APLP2: variants seen among roughly 807,000 people sequenced by gnomAD.
APLP2 encodes CDEI box-binding protein.
A neutral mutation model predicts 89.9 loss-of-function variants in APLP2; 53 were observed. That is an observed-to-expected ratio of 0.59 (90% CI 0.47 to 0.74). The LOEUF is 0.74. APLP2 is among the 30% of genes least tolerant of loss of function. APLP2 has a pLI of 0.00. For synonymous variants in APLP2, 372 were observed against 348.6 expected, an observed-to-expected ratio of 1.07 and a Z score of -0.75; for missense variants, 973 against 975.9, an observed-to-expected ratio of 1.00 and a Z score of 0.04.
Position 130,123,482 on chromosome 11 carries a change from A to C in APLP2, c.923-130A>C, listed in dbSNP as rs1591827395. ...CTGGCCTGAGCTGGAGCTTTCGGCC[A>C]CCGGGCCTCCAGGCTCCGTCCAGTC... On this transcript the variant is annotated intron_variant, in intron 6 of 16. Transcript: ENST00000338167. The surrounding 1 kb of genome is among the most constrained non-coding windows in gnomAD (Gnocchi z 4.0). 4 of 970,196 alleles carry C rather than the reference A, an allele frequency of 4.1e-6. No individual in the cohort carries two copies. Among genetic ancestry groups the C allele is most frequent in the Non-Finnish European group, 6.0e-6 (4 of 669,666 alleles). The allele number at this position is 970,196 out of a possible 1,614,324, so 60.1% of individuals were successfully genotyped here. A position where few individuals can be genotyped will look rare whatever the true frequency, so the allele number is the denominator to read the frequency against.
At chr11:130,118,826 C>T (rs1181040197) in intron 3 of APLP2, among the ~76,000 whole-genome samples, 3 of 152,210 alleles carry the variant, frequency 2.0e-5, no homozygotes, top group East Asian at 1.9e-4. Context: ...GGCTCACTTT[C>T]GCAATCCTGC....
At chr11:130,090,417 G>T (rs1404095779) in intron 1 of APLP2, among the ~76,000 whole-genome samples, 1 of 150,034 alleles carries the variant, frequency 6.7e-6, no homozygotes, top group Middle Eastern at 3.2e-3. Context: ...GCGGCCTTCC[G>T]CAGTGTTTGT....
chr11:130,079,045 T>TA (rs1942645566), intron 1 of APLP2, among the ~76,000 whole-genome samples: 1 of 152,094 alleles, frequency 6.6e-6, no homozygotes, highest in South Asian at 2.1e-4. Context: ...ATTTTTCAAA[T>TA]ACCTAGTTTT....
rs985312073 is a variant in APLP2, at chr11:130,097,701, C to T, written c.106-11728C>T. On this transcript the variant is annotated intron_variant, in intron 1 of 16. Coordinates refer to ENST00000338167, the MANE Select transcript of APLP2 (RefSeq NM_001142276.2). ...TCAGAAACAACAACAACAAAATACCCACAAGAAAAACCTAAACCTGTGATT... is the reference window on the plus strand; with the variant it reads ...TCAGAAACAACAACAACAAAATACCTACAAGAAAAACCTAAACCTGTGATT... 3.3e-5 allele frequency among the ~76,000 whole-genome samples: 5 copies of T among 152,050 alleles called. No individual in the cohort carries two copies. In the South Asian group the frequency reaches 6.2e-4, roughly 19 times the overall value.
rs1940521798 is a variant in APLP2 at position 130,069,927 on chromosome 11, A to AC, written c.-51_-50insC. ...CTGGGTCGCGGTGTGCTAAGCGAGGAGTCCGAGTGTGTGAGCTTGAGAGCC... is the reference window on the plus strand; with the variant it reads ...CTGGGTCGCGGTGTGCTAAGCGAGGACGTCCGAGTGTGTGAGCTTGAGAGCC... On this transcript the variant is annotated 5_prime_UTR_variant, in exon 1 of 17. An upstream open reading frame in the 5' UTR loses its in-frame stop. Coordinates refer to ENST00000338167, the MANE Select transcript of APLP2 (RefSeq NM_001142276.2). 1 of 1,341,262 alleles carries AC rather than the reference A, an allele frequency of 7.5e-7. No homozygotes were observed. The highest frequency in any genetic ancestry group is 1.5e-5 in the African/African-American group (1 of 65,842). 83.1% of individuals were successfully genotyped at this position (1,341,262 alleles called of 1,614,324 possible).
rs758568357 is a variant in APLP2, at chr11:130,123,795, C to T, written c.1090+16C>T. On this transcript the variant is annotated intron_variant, in intron 7 of 16. Transcript: ENST00000338167. This position sits in a 1 kb window ranked among gnomAD's most constrained non-coding sequence, Gnocchi z 4.0. ...AAAGCGATGAGTAAGTCCTGCCTCG[C>T]GCTGGTCCCGTGCGGCAGCACCGTC... 22 of 1,612,054 alleles carry T rather than the reference C, an allele frequency of 1.4e-5. No individual in the cohort carries two copies. The highest frequency in any genetic ancestry group is 9.9e-5 in the South Asian group (9 of 90,842).
At chr11:130,128,932 A>T in intron 9 of APLP2, 116 bp from the exon 10 acceptor site, 1 of 1,173,122 alleles carries the variant, frequency 8.5e-7, no homozygotes, top group Non-Finnish European at 1.2e-6. Context: ...CCACTCTCCG[A>T]ACCTGTTACT....
chr11:130,089,048 C>G (rs1197678628), intron 1 of APLP2, among the ~76,000 whole-genome samples: 1 of 152,168 alleles, frequency 6.6e-6, no homozygotes, highest in Middle Eastern at 3.2e-3. Context: ...AGTCTCCAAT[C>G]CTCAGCCCCC....
intron 1 of APLP2, among the ~76,000 whole-genome samples, chr11:130,091,811 CG>C (rs1489556246): frequency 3.4e-5 from 5 of 146,336 alleles, no homozygotes; most frequent in Non-Finnish European, 6.0e-5. Flanking sequence ...GCTGGTCGGG[CG>C]GGGGGCTGAC....
intron 3 of APLP2, 140 bp downstream of exon 3, chr11:130,110,801 G>A (rs772838558): frequency 7.5e-5 from 88 of 1,169,840 alleles, no homozygotes; most frequent in Non-Finnish European, 9.6e-5. Context: ...ATTTCTCTTA[G>A]GGGTGTTTGC....
At chr11:130,104,086 G>A (rs999819591) in intron 1 of APLP2, among the ~76,000 whole-genome samples, 9 of 151,706 alleles carry the variant, frequency 5.9e-5, no homozygotes, top group Non-Finnish European at 8.8e-5. Context: ...TTCAGTACAC[G>A]AAAATATCCC....
At chr11:130,111,229 C>T (rs953668307) in intron 3 of APLP2, among the ~76,000 whole-genome samples, 1 of 152,104 alleles carries the variant, frequency 6.6e-6, no homozygotes, top group African/African-American at 2.4e-5. Flanking sequence ...TTGAGTAAAA[C>T]GGTAACTGTT....
intron 1 of APLP2, among the ~76,000 whole-genome samples, chr11:130,089,679 C>A (rs897029349): frequency 3.9e-5 from 6 of 152,212 alleles, no homozygotes; most frequent in Non-Finnish European, 5.9e-5. Context: ...TTTCACTTTT[C>A]TGGTTTTCTG....
chr11:130,138,054 T>C (rs1314159618), intron 13 of APLP2, among the ~76,000 whole-genome samples: 1 of 152,220 alleles, frequency 6.6e-6, no homozygotes, highest in Non-Finnish European at 1.5e-5. Context: ...AACCCAGTTC[T>C]CTGTTCCCCA....
Position 130,122,393 on chromosome 11 carries a change from G to C in APLP2, c.802G>C (p.Val268Leu). Residue 268 changes from valine (V) to leucine (L), a missense_variant, in exon 6 of 17, where the codon GTG becomes CTG. Coordinates refer to ENST00000338167, the MANE Select transcript of APLP2 (RefSeq NM_001142276.2). ...DEDEEEGEEV[V>L]EDRDYYYDTF... ...GGATGAGGAAGAAGGGGAGGAAGTG[G>C]TGGAGGACCGAGATTACTACTATGA... is the stretch of plus-strand genomic sequence containing the variant. The C allele has an allele frequency of 6.2e-7, 1 of 1,614,182 alleles. No homozygotes were observed.
chr11:130,110,044 T>C (rs1158709796), intron 2 of APLP2, among the ~76,000 whole-genome samples: 1 of 152,220 alleles, frequency 6.6e-6, no homozygotes, highest in Non-Finnish European at 1.5e-5. Flanking sequence ...CTTGCTACAT[T>C]GGCCAGGGTA....
chr11:130,110,476 A>C, intron 2 of APLP2, 62 bp from the exon 3 acceptor site: 1 of 1,588,612 alleles, frequency 6.3e-7, no homozygotes, highest in African/African-American at 1.3e-5. Flanking sequence ...CTCCATCCTT[A>C]CTTGCAAGTG....
intron 7 of APLP2, among the ~76,000 whole-genome samples, chr11:130,124,124 G>A (rs1176635803): frequency 6.6e-6 from 1 of 152,156 alleles, no homozygotes; most frequent in African/African-American, 2.4e-5. Context: ...TGGTGGGGAA[G>A]GCAGCTGTCC....
intron 1 of APLP2, among the ~76,000 whole-genome samples, chr11:130,089,713 G>A (rs1944625390): frequency 6.6e-6 from 1 of 152,236 alleles, no homozygotes; most frequent in African/African-American, 2.4e-5. Flanking sequence ...CCAGTTCAAG[G>A]TGTTAGCAGG....
Sources: gnomAD v4.1 joint callset for allele counts (sites outside exome capture counted in the v4.1 genomes callset) on GRCh38, gnomAD v4.1.1 for gene constraint, Gnocchi (gnomAD v3.1) non-coding constraint, MANE v1.5 for transcripts, NCBI Gene and HGNC (gene_info 2026-07-23, HGNC 2026-07-21) for gene names.